Variants in CPNE5 observed in about 807,000 individuals in gnomAD.
CPNE5 encodes copine-5.
In CPNE5, 42 loss-of-function variants were observed where a neutral mutation model predicts 81.1. The ratio of observed to expected loss-of-function variants is 0.52; its 90% CI spans 0.40 to 0.67. The LOEUF (loss-of-function observed/expected upper bound fraction) is 0.67, where lower values mean the gene tolerates loss of function less well. CPNE5 is among the 30% of genes least tolerant of loss of function. The pLI is 0.00. For synonymous variants in CPNE5, 313 were observed against 321.5 expected (o/e 0.97, Z 0.28); for missense variants, 612 against 815.5 (o/e 0.75, Z 3.04).
At chr6:36,838,954 C>T (rs1269624505) in intron 1 of CPNE5, among the ~76,000 whole-genome samples, 3 of 152,140 alleles carry the variant, frequency 2.0e-5, no homozygotes, top group Non-Finnish European at 4.4e-5. Context: ...CAGAGATAGC[C>T]TGAGCAGAGA....
chr6:36,751,511 T>A (rs1484289590), intron 14 of CPNE5, among the ~76,000 whole-genome samples: 1 of 152,184 alleles, frequency 6.6e-6, no homozygotes, highest in Non-Finnish European at 1.5e-5. Flanking sequence ...TAGGATGGAC[T>A]GGGTGTGGTG....
Position 36,745,459 on chromosome 6 carries a change from G to C in CPNE5, c.1257C>G (p.Tyr419Ter). 1 of 1,603,256 alleles carries C rather than the reference G, an allele frequency of 6.2e-7. No individual in the cohort carries two copies. The highest frequency in any genetic ancestry group is 8.5e-7 in the Non-Finnish European group (1 of 1,175,588). Reference sequence around the variant, plus strand: ...GCTGCACAGTGCGCAGGCTGCGGTGGTAGGCCTCCAGGATGCCGTCGATGC... The same window carrying C: ...GCTGCACAGTGCGCAGGCTGCGGTGCTAGGCCTCCAGGATGCCGTCGATGC... ...CCGIDGILEA[Y>*]HRSLRTVQLY... Residue 419 changes from tyrosine (Y) to a stop codon, truncating the protein, a stop_gained, in exon 17 of 21, where the codon TAC becomes TAG. Transcript: ENST00000244751. LOFTEE classifies it high-confidence loss of function.
At chr6:36,791,176 C>T (rs1769060904) in intron 8 of CPNE5, among the ~76,000 whole-genome samples, 1 of 152,140 alleles carries the variant, frequency 6.6e-6, no homozygotes, top group Non-Finnish European at 1.5e-5. Flanking sequence ...TTTATAGCCA[C>T]TCTTAGGTTA....
intron 12 of CPNE5, among the ~76,000 whole-genome samples, chr6:36,759,568 G>C (rs903930310): frequency 6.6e-6 from 1 of 151,958 alleles, no homozygotes; most frequent in African/African-American, 2.4e-5. Flanking sequence ...AGGTCTTTGA[G>C]GGGTTGAATA....
intron 1 of CPNE5, among the ~76,000 whole-genome samples, chr6:36,825,293 C>A (rs1265251951): frequency 6.6e-6 from 1 of 152,170 alleles, no homozygotes; most frequent in African/African-American, 2.4e-5. Context: ...CCTGGGGAAG[C>A]CCCAGATTGC....
chr6:36,778,623 C>A (rs1258592164), intron 9 of CPNE5, among the ~76,000 whole-genome samples: 1 of 152,194 alleles, frequency 6.6e-6, no homozygotes, highest in African/African-American at 2.4e-5. Flanking sequence ...TTGCTGAGAC[C>A]CACAGAATGG....
At chr6:36,835,343 G>A (rs909414750) in intron 1 of CPNE5, among the ~76,000 whole-genome samples, 2 of 152,230 alleles carry the variant, frequency 1.3e-5, no homozygotes, top group Non-Finnish European at 2.9e-5. Flanking sequence ...TCGGCAGGAT[G>A]GCTCACACAG....
intron 3 of CPNE5, among the ~76,000 whole-genome samples, chr6:36,804,613 G>A (rs574141480): frequency 3.0e-4 from 46 of 152,154 alleles, no homozygotes; most frequent in African/African-American, 1.1e-3. Flanking sequence ...TTTAGATAAG[G>A]CCCAGCCCAG....
intron 10 of CPNE5, among the ~76,000 whole-genome samples, chr6:36,774,179 T>A (rs1379385885): frequency 6.6e-6 from 1 of 150,692 alleles, no homozygotes; most frequent in Non-Finnish European, 1.5e-5. Context: ...AGCCCAGGAG[T>A]TTGATACCAG....
At chr6:36,761,867 C>G (rs1339405935) in intron 12 of CPNE5, among the ~76,000 whole-genome samples, 1 of 152,032 alleles carries the variant, frequency 6.6e-6, no homozygotes, top group Non-Finnish European at 1.5e-5. Context: ...GAAGTTCAGA[C>G]AAGAAAGCAC....
intron 12 of CPNE5, chr6:36,757,326 T>A: frequency 2.0e-6 from 2 of 985,462 alleles, no homozygotes; most frequent in Non-Finnish European, 2.4e-6. Context: ...TCATTTCCCC[T>A]TTCCCTGTCT....
Position 36,794,638 on chromosome 6 carries a change from A to C in CPNE5, c.416T>G (p.Phe139Cys). The part of the protein sequence containing the change: ...RLEKPLTIGA[F>C]SLNSRTGKPM... Reference sequence around the variant, plus strand: ...TTTGCCCGTCCTGGAATTCAGGCTGAATGCGCCTATCCTGTGGAGAGAGAG... The same window carrying C: ...TTTGCCCGTCCTGGAATTCAGGCTGCATGCGCCTATCCTGTGGAGAGAGAG... The change falls in exon 7 of 21, where the codon TTC (phenylalanine) becomes TGC (cysteine). Residue 139 changes from phenylalanine (F) to cysteine (C), a missense_variant. Transcript: ENST00000244751. The C allele has an allele frequency of 6.2e-7, 1 of 1,614,034 alleles. No homozygotes were observed. The highest frequency in any genetic ancestry group is 8.5e-7 in the Non-Finnish European group (1 of 1,179,966).
chr6:36,793,668 C>T (rs1379127098), intron 7 of CPNE5, among the ~76,000 whole-genome samples: 1 of 152,154 alleles, frequency 6.6e-6, no homozygotes, highest in Non-Finnish European at 1.5e-5. Context: ...TCCCCAGTTG[C>T]TGCTTCTCTA....
intron 9 of CPNE5, among the ~76,000 whole-genome samples, chr6:36,776,554 G>A (rs1209160168): frequency 5.3e-5 from 8 of 152,140 alleles, no homozygotes; most frequent in Admixed American, 3.9e-4. Context: ...GGGACAACAA[G>A]GAGTAGGGAA....
At chr6:36,800,134 G>T in intron 3 of CPNE5, 64 bp from the exon 4 acceptor site, 1 of 1,151,926 alleles carries the variant, frequency 8.7e-7, no homozygotes, top group Non-Finnish European at 1.3e-6. Flanking sequence ...GTGGGGCAGG[G>T]GAGAGCACTG....
In CPNE5 at chr6:36,799,955, T is replaced by C; in HGVS notation, c.287+12A>G. On this transcript the variant is annotated intron_variant, in intron 4 of 20. Coordinates refer to ENST00000244751, the MANE Select transcript of CPNE5 (RefSeq NM_020939.2). ...CCACCTGGCTGCATCTTCAGCACCA[T>C]CTTCCACTTACAGATCAAAACGGAG... 1 of 1,590,582 alleles carries C rather than the reference T, an allele frequency of 6.3e-7. No homozygotes were observed. Among genetic ancestry groups the C allele is most frequent in the Non-Finnish European group, 8.6e-7 (1 of 1,158,682 alleles).
intron 15 of CPNE5, among the ~76,000 whole-genome samples, chr6:36,747,042 C>G (rs570705403): frequency 1.3e-5 from 2 of 152,278 alleles, no homozygotes; most frequent in South Asian, 4.1e-4. Context: ...CCCAGCCTCA[C>G]CAGCCCCTCG....
intron 12 of CPNE5, among the ~76,000 whole-genome samples, chr6:36,762,566 A>ACTCAGGAC (rs1324514899): frequency 6.6e-6 from 1 of 152,156 alleles, no homozygotes; most frequent in Admixed American, 6.5e-5. Flanking sequence ...GCCACCTCGA[A>ACTCAGGAC]CTCAGGACCT....
At chr6:36,835,196 T>G (rs749922362) in intron 1 of CPNE5, among the ~76,000 whole-genome samples, 21 of 152,254 alleles carry the variant, frequency 1.4e-4, no homozygotes, top group Non-Finnish European at 1.5e-4. Flanking sequence ...CCTGCGCAAG[T>G]GCAAAGGTTT....
Sources: gnomAD v4.1 joint callset for allele counts (sites outside exome capture counted in the v4.1 genomes callset) on GRCh38, gnomAD v4.1.1 for gene constraint, MANE v1.5 for transcripts, NCBI Gene and HGNC (gene_info 2026-07-23, HGNC 2026-07-21) for gene names.